MYO1D: variants seen among roughly 807,000 people sequenced by gnomAD.
The protein encoded by MYO1D is unconventional myosin-Id.
In MYO1D, 83 loss-of-function variants were observed where a neutral mutation model predicts 122.0. That is an observed-to-expected ratio of 0.68 (90% CI 0.57 to 0.82). The LOEUF (loss-of-function observed/expected upper bound fraction) is 0.82. Among genes scored for constraint, MYO1D ranks in the 40% least tolerant of loss-of-function variants. MYO1D has a pLI of 0.00. For synonymous variants in MYO1D, 464 were observed against 446.9 expected, an observed-to-expected ratio of 1.04 and a Z score of -0.48; for missense variants, 1,157 against 1,269.5, an observed-to-expected ratio of 0.91 and a Z score of 1.35.
At chr17:32,791,051 C>T (rs914502365) in intron 1 of MYO1D, among the ~76,000 whole-genome samples, 5 of 152,100 alleles carry the variant, frequency 3.3e-5, no homozygotes, top group African/African-American at 1.2e-4. Flanking sequence ...CCATCTGGGA[C>T]CACATGGGCA....
intron 20 of MYO1D, among the ~76,000 whole-genome samples, chr17:32,620,820 C>T (rs1191754676): frequency 1.3e-5 from 2 of 152,148 alleles, no homozygotes; most frequent in Non-Finnish European, 2.9e-5. Context: ...AGGAGGCAAA[C>T]ATCACAGGCT....
chr17:32,781,849 G>T, intron 1 of MYO1D, among the ~76,000 whole-genome samples: 1 of 151,842 alleles, frequency 6.6e-6, no homozygotes, highest in Non-Finnish European at 1.5e-5. Flanking sequence ...ACCCATATAT[G>T]TCCACTGTTT....
At chr17:32,562,526 A>G (rs1367080816) in intron 21 of MYO1D, among the ~76,000 whole-genome samples, 1 of 152,116 alleles carries the variant, frequency 6.6e-6, no homozygotes, top group Admixed American at 6.5e-5. Context: ...TCTGTTGCCC[A>G]GGCTGGAATG....
At chr17:32,722,504 T>A (rs1480269865) in intron 14 of MYO1D, among the ~76,000 whole-genome samples, 1 of 152,210 alleles carries the variant, frequency 6.6e-6, no homozygotes, top group Non-Finnish European at 1.5e-5. Flanking sequence ...AATGGCCAGT[T>A]GAGTCTTTTA....
chr17:32,668,534 C>T (rs536766883), intron 16 of MYO1D, among the ~76,000 whole-genome samples: 1 of 152,200 alleles, frequency 6.6e-6, no homozygotes, highest in Non-Finnish European at 1.5e-5. Context: ...TATACCCTAA[C>T]ATTGATTCCA....
chr17:32,539,242 G>A (rs1354562808), intron 21 of MYO1D, among the ~76,000 whole-genome samples: 1 of 148,940 alleles, frequency 6.7e-6, no homozygotes, highest in African/African-American at 2.5e-5. Context: ...AGGTGTTCAA[G>A]ACCAGCCGAG....
chr17:32,542,678 C>A (rs988301581), intron 21 of MYO1D, among the ~76,000 whole-genome samples: 1 of 151,282 alleles, frequency 6.6e-6, no homozygotes, highest in Admixed American at 6.6e-5. Flanking sequence ...AAATATTTCC[C>A]GTATCAATGG....
intron 21 of MYO1D, among the ~76,000 whole-genome samples, chr17:32,599,807 C>G (rs1156547394): frequency 6.6e-6 from 1 of 152,180 alleles, no homozygotes; most frequent in Admixed American, 6.5e-5. Context: ...TATGTGCCAC[C>G]ACGCCTGGCT....
At chr17:32,569,454 GAA>G (rs1367632394) in intron 21 of MYO1D, among the ~76,000 whole-genome samples, 1 of 152,206 alleles carries the variant, frequency 6.6e-6, no homozygotes, top group Non-Finnish European at 1.5e-5. Context: ...ATCTGCCACA[GAA>G]AAGACACTGT....
At chr17:32,766,802 C>A (rs7209130) in intron 7 of MYO1D, among the ~76,000 whole-genome samples, 6 of 150,208 alleles carry the variant, frequency 4.0e-5, no homozygotes, top group African/African-American at 2.4e-5. Context: ...AAAAAGAAAA[C>A]AAAACAACAA....
chr17:32,808,209 G>T (rs1051105270), intron 1 of MYO1D, among the ~76,000 whole-genome samples: 6 of 151,634 alleles, frequency 4.0e-5, no homozygotes, highest in Non-Finnish European at 8.8e-5. Flanking sequence ...CCTTGTCTCC[G>T]CAAAAAAATT....
chr17:32,762,917 G>A (rs1371694865), intron 8 of MYO1D, among the ~76,000 whole-genome samples: 6 of 151,192 alleles, frequency 4.0e-5, no homozygotes, highest in African/African-American at 9.7e-5. Context: ...GGCCGGGTGC[G>A]GTGGCTCACA....
chr17:32,809,304 C>T (rs1037343752), intron 1 of MYO1D, among the ~76,000 whole-genome samples: 3 of 151,946 alleles, frequency 2.0e-5, no homozygotes, highest in Non-Finnish European at 1.5e-5. Context: ...GTTTTTTATT[C>T]TATAGACATG....
intron 1 of MYO1D, among the ~76,000 whole-genome samples, chr17:32,864,379 C>A (rs1007582610): frequency 6.6e-6 from 1 of 151,704 alleles, no homozygotes; most frequent in East Asian, 1.9e-4. Context: ...GCAAATGACA[C>A]AAAGCTATAT....
chr17:32,515,110 G>A (rs1039924262), intron 21 of MYO1D, among the ~76,000 whole-genome samples: 2 of 152,254 alleles, frequency 1.3e-5, no homozygotes, highest in East Asian at 1.9e-4. Flanking sequence ...TGGAGTAAGC[G>A]CTTGAATGGA....
intron 14 of MYO1D, among the ~76,000 whole-genome samples, chr17:32,723,666 T>C (rs2089538255): frequency 6.6e-6 from 1 of 152,060 alleles, no homozygotes; most frequent in South Asian, 2.1e-4. Flanking sequence ...ACTTCTACCA[T>C]GTGAAGAAGC....
chr17:32,751,616 C>T (rs751541307), intron 11 of MYO1D, among the ~76,000 whole-genome samples: 6 of 151,996 alleles, frequency 3.9e-5, no homozygotes, highest in Admixed American at 6.6e-5. Flanking sequence ...TTTCTATACA[C>T]GACTGATAAC....
chr17:32,842,886 CTTTTTTT>C (rs34927176), intron 1 of MYO1D, among the ~76,000 whole-genome samples: 4 of 104,458 alleles, frequency 3.8e-5, no homozygotes, highest in Admixed American at 1.1e-4. Flanking sequence ...CTATTTCTTT[CTTTTTTT>C]TTTTTTTTTT....
At chr17:32,694,701 C>G (rs2089148970) in intron 16 of MYO1D, among the ~76,000 whole-genome samples, 1 of 93,412 alleles carries the variant, frequency 1.1e-5, no homozygotes, top group Non-Finnish European at 2.0e-5. Context: ...GAGCGAGACT[C>G]CGTCTCAAAA....
Sources: gnomAD v4.1 joint callset for allele counts (sites outside exome capture counted in the v4.1 genomes callset) on GRCh38, gnomAD v4.1.1 for gene constraint, MANE v1.5 for transcripts, NCBI Gene and HGNC (gene_info 2026-07-23, HGNC 2026-07-21) for gene names.